STX3: variants seen among roughly 807,000 people sequenced by gnomAD.
STX3 encodes the protein syntaxin-3.
A neutral mutation model predicts 40.2 loss-of-function variants in STX3; 19 were observed. The observed-to-expected ratio is 0.47, with a 90% CI of 0.33 to 0.69. STX3 has a LOEUF of 0.69. Ranked by LOEUF, STX3 falls within the 30% of genes least tolerant of loss-of-function variation. STX3 has a pLI of 0.02. For synonymous variants in STX3, 122 were observed against 132.2 expected (o/e 0.92, Z 0.53); for missense variants, 364 against 366.7 (o/e 0.99, Z 0.06).
At chr11:59,774,907 A>G (rs1347117256) in intron 2 of STX3, among the ~76,000 whole-genome samples, 1 of 152,242 alleles carries the variant, frequency 6.6e-6, no homozygotes, top group Non-Finnish European at 1.5e-5. Flanking sequence ...ATATGTGCTT[A>G]ATGAATGATA....
intron 2 of STX3, among the ~76,000 whole-genome samples, chr11:59,778,859 A>C (rs1864170285): frequency 7.0e-6 from 1 of 142,014 alleles, no homozygotes; most frequent in Non-Finnish European, 1.5e-5. Flanking sequence ...TTGGGGATGA[A>C]GTTTCGCTCT....
chr11:59,763,375 TG>T (rs1013270613), intron 1 of STX3, among the ~76,000 whole-genome samples: 5 of 152,142 alleles, frequency 3.3e-5, no homozygotes, highest in African/African-American at 9.7e-5. Flanking sequence ...CTTCCTTTCT[TG>T]GGAGTTTTTG....
chr11:59,771,686 A>T (rs1410932645), intron 1 of STX3, among the ~76,000 whole-genome samples: 1 of 152,030 alleles, frequency 6.6e-6, no homozygotes, highest in African/African-American at 2.4e-5. Context: ...GTGTCCAGGG[A>T]ATGGTGTGTC....
intron 1 of STX3, among the ~76,000 whole-genome samples, chr11:59,766,529 C>A (rs557531848): frequency 6.6e-6 from 1 of 152,174 alleles, no homozygotes; most frequent in Non-Finnish European, 1.5e-5. Flanking sequence ...CCCTGAGTAC[C>A]CTGAGTGGGG....
At chr11:59,757,533 T>C (rs1862787149) in intron 1 of STX3, among the ~76,000 whole-genome samples, 1 of 152,212 alleles carries the variant, frequency 6.6e-6, no homozygotes, top group African/African-American at 2.4e-5. Flanking sequence ...TGCCTCATGG[T>C]TACCCTCTGT....
chr11:59,786,774 C>T (rs1017776192), intron 2 of STX3, among the ~76,000 whole-genome samples: 1 of 152,216 alleles, frequency 6.6e-6, no homozygotes, highest in South Asian at 2.1e-4. Flanking sequence ...TTGACTTTGG[C>T]CTGAATCCTT....
intron 9 of STX3, chr11:59,795,751 T>C (rs1865482554): frequency 2.6e-6 from 4 of 1,512,970 alleles, no homozygotes; most frequent in Non-Finnish European, 3.6e-6. Flanking sequence ...GTCTCAGCTG[T>C]CTTACTAGTA....
chr11:59,765,716 A>C (rs1218217191), intron 1 of STX3, among the ~76,000 whole-genome samples: 1 of 152,190 alleles, frequency 6.6e-6, no homozygotes, highest in Non-Finnish European at 1.5e-5. Context: ...AGGCAGGAGA[A>C]TCACTTGAAC....
chr11:59,773,115 A>G, intron 1 of STX3, 96 bp from the exon 2 acceptor site: 1 of 1,196,858 alleles, frequency 8.4e-7, no homozygotes, highest in Non-Finnish European at 1.2e-6. Context: ...TTATGTGTAA[A>G]ATGCTGAATA....
At chr11:59,774,287 C>T (rs1241654625) in intron 2 of STX3, among the ~76,000 whole-genome samples, 1 of 152,024 alleles carries the variant, frequency 6.6e-6, no homozygotes, top group African/African-American at 2.4e-5. Context: ...CGTTCCTTAA[C>T]AATCTGTGTC....
chr11:59,781,818 T>C lies in STX3; in HGVS notation c.115-5219T>C, dbSNP rs1248359081. On this transcript the variant is annotated intron_variant, in intron 2 of 10. Transcript: ENST00000337979. ...AGGACTTGACTGAGCAGCTCTAATA[T>C]GAAGACTGCTTGGGATTCTGTCATT... The C allele has an allele frequency of 1.6e-5, 19 of 1,167,192 alleles. No homozygotes were observed. The East Asian group carries it at 4.6e-4, about 28-fold the overall frequency. 72.3% of individuals were successfully genotyped at this position (1,167,192 alleles called of 1,614,324 possible).
chr11:59,776,484 C>G (rs1275509046), intron 2 of STX3, among the ~76,000 whole-genome samples: 2 of 152,082 alleles, frequency 1.3e-5, no homozygotes, highest in African/African-American at 2.4e-5. Context: ...AATTATGTTT[C>G]AGAGAATAGA....
At position 59,772,885 on chromosome 11, in the gene STX3, A is replaced by G. The variant is rs148388079; in HGVS notation, c.31-326A>G. ...ATCCTATGAAGCAGGTAGTGTTTTT[A>G]TCAGCATTTAACAGATAAGGAAACC... On this transcript the variant is annotated intron_variant, in intron 1 of 10. Coordinates refer to ENST00000337979, the MANE Select transcript of STX3 (RefSeq NM_004177.5). Among the ~76,000 whole-genome samples, 215 of 152,060 alleles carry G rather than the reference A, an allele frequency of 1.4e-3. 3 individuals are homozygous for G. Among genetic ancestry groups the G allele is most frequent in the Admixed American group, 3.6e-3 (55 of 15,244 alleles).
chr11:59,788,837 C>A (rs1359714571), intron 3 of STX3, 36 bp from the exon 4 acceptor site: 1 of 1,588,152 alleles, frequency 6.3e-7, no homozygotes, highest in Non-Finnish European at 8.6e-7. Context: ...CAGTCCTCTC[C>A]TTTCTAACGG....
At chr11:59,789,162 T>C (rs1051521616) in intron 4 of STX3, 3 of 423,648 alleles carry the variant, frequency 7.1e-6, no homozygotes, top group East Asian at 4.5e-5. Context: ...GAGTCCAGAA[T>C]TGAAGCTAGG....
At chr11:59,792,339 C>A in intron 6 of STX3, 124 bp downstream of exon 6, 1 of 714,252 alleles carries the variant, frequency 1.4e-6, no homozygotes, top group Non-Finnish European at 2.4e-6. Context: ...AGGGCAGCTC[C>A]TGCACCACTG....
intron 6 of STX3, among the ~76,000 whole-genome samples, chr11:59,792,697 TAATC>T (rs997378831): frequency 2.6e-5 from 4 of 152,078 alleles, no homozygotes; most frequent in African/African-American, 9.7e-5. Context: ...GGTATGAACA[TAATC>T]AAGAAAGAGC....
chr11:59,793,269 G>A, intron 7 of STX3, 97 bp downstream of exon 7: 1 of 1,606,962 alleles, frequency 6.2e-7, no homozygotes, highest in Non-Finnish European at 8.5e-7. Flanking sequence ...GGAGCTGCAG[G>A]TGCAGGGAGT....
chr11:59,772,918 A>G (rs1590771834), intron 1 of STX3, among the ~76,000 whole-genome samples: 1 of 151,866 alleles, frequency 6.6e-6, no homozygotes, highest in East Asian at 1.9e-4. Context: ...ACCTAGGCAC[A>G]GCAAGATAGG....
Sources: allele counts gnomAD v4.1 joint callset (sites outside exome capture counted in the v4.1 genomes callset), GRCh38; gene constraint gnomAD v4.1.1; transcripts MANE v1.5; gene names NCBI Gene and HGNC (gene_info 2026-07-23, HGNC 2026-07-21).